Variants in PTPRM observed in about 807,000 individuals in gnomAD.
The protein encoded by PTPRM is protein tyrosine phosphatase receptor type M.
A neutral mutation model predicts 186.7 loss-of-function variants in PTPRM; 47 were observed. The observed-to-expected ratio is 0.25, with a 90% CI of 0.20 to 0.32. PTPRM has a LOEUF of 0.32. PTPRM is among the 10% of genes least tolerant of loss of function. PTPRM has a pLI of 1.00. For synonymous variants in PTPRM, 668 were observed against 674.9 expected (o/e 0.99, Z 0.16); for missense variants, 1,494 against 1,865.0 (o/e 0.80, Z 3.66).
chr18:8,094,244 A>G (rs1398077533), intron 11 of PTPRM, among the ~76,000 whole-genome samples: 1 of 152,176 alleles, frequency 6.6e-6, no homozygotes, highest in Non-Finnish European at 1.5e-5. Context: ...GCAGTGGCCC[A>G]TGACTGTAAT....
intron 11 of PTPRM, among the ~76,000 whole-genome samples, chr18:8,093,183 G>T (rs2090842055): frequency 6.6e-6 from 1 of 151,868 alleles, no homozygotes; most frequent in South Asian, 2.1e-4. Context: ...GTAAGTCCAA[G>T]GAAAGAGATG....
chr18:7,794,017 G>A (rs534792612), intron 2 of PTPRM, among the ~76,000 whole-genome samples: 45 of 152,300 alleles, frequency 3.0e-4, no homozygotes, highest in African/African-American at 1.0e-3. Context: ...TGGGGCAGTT[G>A]GAGGAGAGCC....
At chr18:7,672,844 A>G (rs943329968) in intron 1 of PTPRM, among the ~76,000 whole-genome samples, 4 of 152,304 alleles carry the variant, frequency 2.6e-5, no homozygotes, top group African/African-American at 9.6e-5. Context: ...CAGGAACATA[A>G]AAGTCTAGTG....
chr18:7,828,779 A>G (rs2045615714), intron 2 of PTPRM, among the ~76,000 whole-genome samples: 1 of 152,226 alleles, frequency 6.6e-6, no homozygotes, highest in Non-Finnish European at 1.5e-5. Context: ...AACTAGCCCT[A>G]CTGGTCCTAC....
chr18:8,235,219 G>A (rs1263842352), intron 14 of PTPRM, among the ~76,000 whole-genome samples: 1 of 152,032 alleles, frequency 6.6e-6, no homozygotes, highest in Non-Finnish European at 1.5e-5. Flanking sequence ...TTCATGTTTT[G>A]AAAGGTTATT....
chr18:8,190,178 A>G (rs542007052), intron 14 of PTPRM, among the ~76,000 whole-genome samples: 1 of 152,330 alleles, frequency 6.6e-6, no homozygotes, highest in South Asian at 2.1e-4. Context: ...ATGTAGTGTT[A>G]TTAACTAAAG....
At chr18:7,611,790 C>T (rs1193436336) in intron 1 of PTPRM, among the ~76,000 whole-genome samples, 1 of 152,158 alleles carries the variant, frequency 6.6e-6, no homozygotes, top group Non-Finnish European at 1.5e-5. Context: ...CTGCCATCCA[C>T]GTAAGATGAG....
chr18:8,168,444 G>A (rs1239198375), intron 14 of PTPRM, among the ~76,000 whole-genome samples: 1 of 152,106 alleles, frequency 6.6e-6, no homozygotes. Context: ...AAAAATAAGT[G>A]TATAGACTAC....
intron 14 of PTPRM, among the ~76,000 whole-genome samples, chr18:8,176,205 T>TAGAGAG (rs3046337): frequency 6.7e-6 from 1 of 149,636 alleles, no homozygotes; most frequent in African/African-American, 2.5e-5. Context: ...GGCAGTATAA[T>TAGAGAG]AGAGAGAGAG....
chr18:8,078,474 C>G (rs1007888599), intron 9 of PTPRM, among the ~76,000 whole-genome samples: 7 of 152,164 alleles, frequency 4.6e-5, no homozygotes, highest in African/African-American at 1.7e-4. Flanking sequence ...CATTTGAATA[C>G]TGGTAAAAAT....
intron 19 of PTPRM, among the ~76,000 whole-genome samples, chr18:8,262,535 G>A (rs1023215135): frequency 6.6e-6 from 1 of 152,166 alleles, no homozygotes; most frequent in Non-Finnish European, 1.5e-5. Context: ...CATGCTGCAG[G>A]TTGTGGCCTC....
intron 1 of PTPRM, among the ~76,000 whole-genome samples, chr18:7,625,695 C>A (rs761874121): frequency 7.3e-6 from 1 of 137,092 alleles, no homozygotes; most frequent in African/African-American, 2.6e-5. Context: ...CCATGATGCC[C>A]GGTTAATTTT....
rs945450489 is a variant in PTPRM, at chr18:7,643,060, T to A, written c.73+75169T>A. Reference sequence around the variant, plus strand: ...TTTATAAAATTTAAATACTGTCTTATTCCCTTAAAAAGGATATTCCTTATG... The same window carrying A: ...TTTATAAAATTTAAATACTGTCTTAATCCCTTAAAAAGGATATTCCTTATG... On this transcript the variant is annotated intron_variant, in intron 1 of 32. Transcript: ENST00000580170. Among the ~76,000 whole-genome samples, 14 of 152,040 alleles carry A rather than the reference T, an allele frequency of 9.2e-5. 2 individuals are homozygous for A. The East Asian group carries it at 2.7e-3, about 29-fold the overall frequency.
intron 2 of PTPRM, among the ~76,000 whole-genome samples, chr18:7,779,224 G>C (rs1402392103): frequency 6.6e-6 from 1 of 152,196 alleles, no homozygotes; most frequent in African/African-American, 2.4e-5. Context: ...CTGTAATTAA[G>C]TGAAAGTGGA....
chr18:8,048,852 CACTTTTTTCATCACTAATTACATT>C (rs1568248959), intron 7 of PTPRM, among the ~76,000 whole-genome samples: 1 of 152,144 alleles, frequency 6.6e-6, no homozygotes, highest in East Asian at 1.9e-4. Flanking sequence ...GTATTTGATT[CACTTTTTTCATCACTAATTACATT>C]ACTTCTGTAG....
At chr18:8,057,425 CT>C (rs763829289) in intron 7 of PTPRM, among the ~76,000 whole-genome samples, 10,515 of 101,972 alleles carry the variant, frequency 0.1, 420 homozygotes, top group Middle Eastern at 0.22. Context: ...TGTGATACTT[CT>C]TTTTTTTTTT....
At chr18:7,692,710 C>G (rs2039760046) in intron 1 of PTPRM, among the ~76,000 whole-genome samples, 1 of 152,128 alleles carries the variant, frequency 6.6e-6, no homozygotes, top group Non-Finnish European at 1.5e-5. Context: ...TCTGTTTTCA[C>G]TGGTTTAAAT....
intron 7 of PTPRM, among the ~76,000 whole-genome samples, chr18:7,972,479 T>TAAAA (rs11445031): frequency 6.8e-5 from 3 of 44,368 alleles, no homozygotes; most frequent in Admixed American, 3.7e-4. Context: ...AAAAAAACAT[T>TAAAA]AAAAAAAAAA....
intron 2 of PTPRM, among the ~76,000 whole-genome samples, chr18:7,869,759 A>C (rs1033902248): frequency 6.6e-6 from 1 of 152,168 alleles, no homozygotes; most frequent in African/African-American, 2.4e-5. Flanking sequence ...GGCTTTTTGA[A>C]GAGTGCTGAT....
Sources: gnomAD v4.1 joint callset for allele counts (sites outside exome capture counted in the v4.1 genomes callset) on GRCh38, gnomAD v4.1.1 for gene constraint, MANE v1.5 for transcripts, NCBI Gene and HGNC (gene_info 2026-07-23, HGNC 2026-07-21) for gene names.